INPP5B: variants seen among roughly 807,000 people sequenced by gnomAD.
INPP5B encodes inositol polyphosphate-5-phosphatase B.
Under a neutral mutation model 118.5 loss-of-function variants are expected in INPP5B, and 90 were observed. The ratio of observed to expected loss-of-function variants is 0.76; its 90% CI spans 0.64 to 0.90. The LOEUF is 0.90. Ranked by LOEUF, INPP5B falls within the 40% of genes least tolerant of loss-of-function variation. The pLI is 0.00. For missense variants in INPP5B, 984 were observed against 1,125.6 expected (o/e 0.87, Z 1.80); for synonymous variants, 385 against 418.9 (o/e 0.92, Z 0.99).
chr1:37,883,279 T>C, intron 13 of INPP5B: 4 of 985,348 alleles, frequency 4.1e-6, no homozygotes, highest in Non-Finnish European at 4.8e-6. Context: ...AGATCCCAAA[T>C]CAGATGATGC....
chr1:37,923,964 G>C (rs908926433), intron 7 of INPP5B, among the ~76,000 whole-genome samples: 2 of 151,970 alleles, frequency 1.3e-5, no homozygotes, highest in African/African-American at 4.8e-5. Context: ...TTTTAGTAAA[G>C]ACAGGTTTTC....
chr1:37,896,279 G>A (rs1285500429), intron 7 of INPP5B, among the ~76,000 whole-genome samples: 4 of 147,182 alleles, frequency 2.7e-5, no homozygotes, highest in African/African-American at 2.5e-5. Context: ...CCGCCCGGCA[G>A]CCGCCCCGTC....
intron 15 of INPP5B, chr1:37,878,631 T>C (rs991025672): frequency 4.0e-6 from 1 of 247,026 alleles, no homozygotes; most frequent in Non-Finnish European, 6.5e-6. Context: ...ATGGTCTTTA[T>C]TTTTTATTTT....
At chr1:37,871,494 G>A (rs117115450) in intron 19 of INPP5B, among the ~76,000 whole-genome samples, 1,631 of 151,754 alleles carry the variant, frequency 0.011, 80 homozygotes, top group Admixed American at 0.075. Flanking sequence ...AAGGCCAGGC[G>A]TGGTGGCTTA....
intron 19 of INPP5B, chr1:37,870,102 T>C (rs1162168027): frequency 1.3e-5 from 2 of 151,990 alleles, no homozygotes; most frequent in Non-Finnish European, 2.9e-5. Flanking sequence ...AATAATATCA[T>C]TGACTATGGA....
intron 13 of INPP5B, chr1:37,883,734 T>C (rs1019577122): frequency 2.0e-6 from 2 of 985,294 alleles, no homozygotes; most frequent in African/African-American, 1.7e-5. Context: ...CTAGGCTCCC[T>C]GGAGAAGAAA....
At chr1:37,893,204 C>T (rs1247774019) in intron 7 of INPP5B, among the ~76,000 whole-genome samples, 1 of 147,980 alleles carries the variant, frequency 6.8e-6, no homozygotes, top group Admixed American at 6.9e-5. Context: ...ACCTCAGGCT[C>T]TCTGGTAGCT....
chr1:37,914,287 T>G (rs1015681325), intron 7 of INPP5B, among the ~76,000 whole-genome samples: 1 of 152,210 alleles, frequency 6.6e-6, no homozygotes, highest in Non-Finnish European at 1.5e-5. Context: ...TACTTTACTT[T>G]CTTAATAAAT....
intron 19 of INPP5B, among the ~76,000 whole-genome samples, chr1:37,871,239 C>T (rs1414982777): frequency 3.4e-5 from 5 of 145,262 alleles, no homozygotes; most frequent in Admixed American, 6.9e-5. Context: ...GGGCAGATCA[C>T]CTGAGGTCAG....
intron 7 of INPP5B, 185 bp downstream of exon 7, chr1:37,931,728 C>T (rs935052592): frequency 3.2e-6 from 5 of 1,570,230 alleles, no homozygotes; most frequent in Non-Finnish European, 4.3e-6. Flanking sequence ...TGCCTGCTTC[C>T]TCAAGCTCCT....
intron 6 of INPP5B, 83 bp from the exon 7 acceptor site, chr1:37,932,136 G>T: frequency 7.2e-7 from 1 of 1,388,248 alleles, no homozygotes; most frequent in Non-Finnish European, 9.5e-7. Flanking sequence ...AAGAGACTCC[G>T]GCCCTGTTTC....
At chr1:37,929,441 G>C (rs1409458930) in intron 7 of INPP5B, 1 of 152,052 alleles carries the variant, frequency 6.6e-6, no homozygotes, top group African/African-American at 2.4e-5. Flanking sequence ...TTAAGCAACT[G>C]TTTGCTTTGG....
At chr1:37,868,295 A>G (rs1642174188) in intron 20 of INPP5B, among the ~76,000 whole-genome samples, 1 of 148,866 alleles carries the variant, frequency 6.7e-6, no homozygotes, top group South Asian at 2.2e-4. Flanking sequence ...CCTGGGCAAC[A>G]GAATAAAACT....
At chr1:37,924,812 T>A (rs900829264) in intron 7 of INPP5B, among the ~76,000 whole-genome samples, 12 of 151,952 alleles carry the variant, frequency 7.9e-5, no homozygotes, top group Non-Finnish European at 2.9e-5. Flanking sequence ...CAAGGCAGGC[T>A]GAATCACTTG....
At chr1:37,945,704 G>T in intron 3 of INPP5B, 52 bp downstream of exon 3, 1 of 1,361,312 alleles carries the variant, frequency 7.3e-7, no homozygotes, top group Non-Finnish European at 1.0e-6. Context: ...GGAGGGTGCA[G>T]TGATGAACAA....
At chr1:37,908,436 T>C (rs1439104077) in intron 7 of INPP5B, among the ~76,000 whole-genome samples, 1 of 152,114 alleles carries the variant, frequency 6.6e-6, no homozygotes, top group Non-Finnish European at 1.5e-5. Flanking sequence ...TTTTCCTCTC[T>C]AGTAGAGACA....
At chr1:37,882,442 G>A (rs1643263448) in intron 14 of INPP5B, among the ~76,000 whole-genome samples, 1 of 152,314 alleles carries the variant, frequency 6.6e-6, no homozygotes, top group African/African-American at 2.4e-5. Flanking sequence ...AAGCACAGAG[G>A]AGAAGGAGGC....
chr1:37,887,511 C>A (rs376512196), intron 10 of INPP5B, 46 bp from the exon 11 acceptor site: 1 of 1,094,398 alleles, frequency 9.1e-7, no homozygotes, highest in Admixed American at 1.8e-5. Context: ...AAGTAATGTG[C>A]AAATGACACA....
chr1:37,872,100 C>T (rs1338690289), intron 19 of INPP5B, among the ~76,000 whole-genome samples: 1 of 143,290 alleles, frequency 7.0e-6, no homozygotes, highest in Non-Finnish European at 1.5e-5. Flanking sequence ...GGCGCGGTGG[C>T]TCATGCCTGT....
Sources: gnomAD v4.1 joint callset for allele counts (sites outside exome capture counted in the v4.1 genomes callset) on GRCh38, gnomAD v4.1.1 for gene constraint, MANE v1.5 for transcripts, NCBI Gene and HGNC (gene_info 2026-07-23, HGNC 2026-07-21) for gene names.